The following FYB1 variants were observed in gnomAD, a reference collection of about 807,000 sequenced individuals.
FYB1 encodes FYN binding protein 1.
FYB1 carries 41 observed loss-of-function variants against 94.1 expected under a neutral mutation model. The observed-to-expected ratio is 0.44, with a 90% CI of 0.34 to 0.57. The LOEUF (loss-of-function observed/expected upper bound fraction) is 0.57. FYB1 is among the 20% of genes least tolerant of loss of function. FYB1 has a pLI of 0.02. For synonymous variants in FYB1, 367 were observed against 353.2 expected (o/e 1.04, Z -0.44); for missense variants, 1,050 against 976.8 (o/e 1.07, Z -1.00).
intron 9 of FYB1, among the ~76,000 whole-genome samples, chr5:39,133,304 C>T (rs1176619388): frequency 2.0e-5 from 3 of 152,068 alleles, no homozygotes; most frequent in Non-Finnish European, 4.4e-5. Flanking sequence ...TGGAGGTTTC[C>T]TAGTTTTATA....
At chr5:39,260,399 C>A (rs1199495696) in intron 1 of FYB1, among the ~76,000 whole-genome samples, 1 of 152,172 alleles carries the variant, frequency 6.6e-6, no homozygotes, top group Non-Finnish European at 1.5e-5. Context: ...AGAGGGCCTG[C>A]AAAGCCTAAA....
intron 1 of FYB1, among the ~76,000 whole-genome samples, chr5:39,205,978 T>A (rs1269693526): frequency 6.6e-6 from 1 of 152,258 alleles, no homozygotes; most frequent in Non-Finnish European, 1.5e-5. Flanking sequence ...ATCTGCCATC[T>A]CTGTTTTTCT....
chr5:39,166,251 A>T (rs1411611660), intron 2 of FYB1, among the ~76,000 whole-genome samples: 1 of 152,164 alleles, frequency 6.6e-6, no homozygotes, highest in Non-Finnish European at 1.5e-5. Flanking sequence ...AGCCTGACCA[A>T]CATGGTGAAA....
intron 11 of FYB1, among the ~76,000 whole-genome samples, chr5:39,126,825 A>T (rs1740712350): frequency 6.6e-6 from 1 of 151,698 alleles, no homozygotes; most frequent in African/African-American, 2.4e-5. Flanking sequence ...TTGGGAGGCT[A>T]GGGCAGGCAG....
intron 7 of FYB1, among the ~76,000 whole-genome samples, chr5:39,136,015 C>A (rs1741644616): frequency 6.6e-6 from 1 of 152,040 alleles, no homozygotes; most frequent in African/African-American, 2.4e-5. Context: ...CATGGAAAAA[C>A]CCCACATAAT....
chr5:39,108,169 C>G, intron 18 of FYB1, 62 bp downstream of exon 18: 1 of 1,406,972 alleles, frequency 7.1e-7, no homozygotes, highest in Non-Finnish European at 9.7e-7. Flanking sequence ...CTATTTTTAG[C>G]ATTTATAAAA....
At chr5:39,111,700 G>A (rs1167103051) in intron 16 of FYB1, among the ~76,000 whole-genome samples, 1 of 151,806 alleles carries the variant, frequency 6.6e-6, no homozygotes, top group African/African-American at 2.4e-5. Context: ...GGAAAATAAT[G>A]AGACATGTGC....
At chr5:39,130,683 C>CCCTGT in intron 9 of FYB1, 71 bp from the exon 10 acceptor site, 1 of 1,147,244 alleles carries the variant, frequency 8.7e-7, no homozygotes, top group South Asian at 1.3e-5. Flanking sequence ...AAGTACATAT[C>CCCTGT]CTGATTAGTT....
chr5:39,155,828 C>T (rs1743697235), intron 2 of FYB1, among the ~76,000 whole-genome samples: 1 of 152,090 alleles, frequency 6.6e-6, no homozygotes, highest in Non-Finnish European at 1.5e-5. Flanking sequence ...CACCATTTGT[C>T]TGATAAGCTA....
Position 39,137,669 on chromosome 5 carries a change from C to T in FYB1, c.1446G>A (p.Arg482=). The T allele has an allele frequency of 6.5e-7, 1 of 1,536,888 alleles. No individual in the cohort carries two copies. The highest frequency in any genetic ancestry group is 1.4e-5 in the African/African-American group (1 of 72,820). Residue 482 remains arginine (R), a synonymous_variant, in exon 7 of 19, where the codon AGG becomes AGA. Transcript: ENST00000512982. ...EKKREKEEKK[R]LELEKKEQKE... ...TCTGTTCCTTTTTCTCCAGCTCTAA[C>T]CTCTTCTTTTCTTCCTTTTCCCTTT...
At chr5:39,153,051 C>T (rs1743386342) in intron 3 of FYB1, among the ~76,000 whole-genome samples, 1 of 152,054 alleles carries the variant, frequency 6.6e-6, no homozygotes, top group Non-Finnish European at 1.5e-5. Flanking sequence ...ATGTAAAAGT[C>T]CTAGCACCTC....
At chr5:39,141,206 G>C (rs1033900669) in intron 3 of FYB1, 65 bp from the exon 4 acceptor site, 2 of 1,052,926 alleles carry the variant, frequency 1.9e-6, no homozygotes, top group African/African-American at 3.2e-5. Context: ...CAATGAAAAA[G>C]GGAAAAGGAT....
chr5:39,244,553 T>C (rs939135470), intron 1 of FYB1, among the ~76,000 whole-genome samples: 4 of 152,184 alleles, frequency 2.6e-5, no homozygotes, highest in African/African-American at 7.2e-5. Context: ...AGTATTTTAT[T>C]GAGGATTTTT....
intron 5 of FYB1, 119 bp from the exon 6 acceptor site, chr5:39,138,810 T>C (rs749122227): frequency 8.5e-6 from 6 of 706,078 alleles, no homozygotes; most frequent in Non-Finnish European, 1.3e-5. Context: ...TTGAACCACA[T>C]ATTAAATGGT....
chr5:39,109,416 G>A (rs1225056856), intron 17 of FYB1, among the ~76,000 whole-genome samples: 2 of 152,056 alleles, frequency 1.3e-5, no homozygotes, highest in Admixed American at 1.3e-4. Context: ...CACTGATGGA[G>A]ATGTTGTCCT....
At chr5:39,262,625 G>A (rs1196004358) in intron 1 of FYB1, among the ~76,000 whole-genome samples, 2 of 152,180 alleles carry the variant, frequency 1.3e-5, no homozygotes, top group Admixed American at 1.3e-4. Flanking sequence ...TACCCTCTAT[G>A]CCAAAGGATG....
chr5:39,118,548 G>A (rs1255174650), intron 16 of FYB1, among the ~76,000 whole-genome samples: 1 of 152,140 alleles, frequency 6.6e-6, no homozygotes, highest in Non-Finnish European at 1.5e-5. Context: ...AGTCAAGGGT[G>A]GGTACAGGGA....
chr5:39,207,752 T>G (rs760448192), intron 1 of FYB1, among the ~76,000 whole-genome samples: 15 of 152,096 alleles, frequency 9.9e-5, no homozygotes, highest in Non-Finnish European at 5.9e-5. Flanking sequence ...ATTATGCTAA[T>G]CTACTGGTTC....
At chr5:39,169,094 C>A in intron 2 of FYB1, 1 of 621,260 alleles carries the variant, frequency 1.6e-6, no homozygotes, top group South Asian at 1.8e-5. Context: ...AAGTTAAAAG[C>A]TTGTAGTGAT....
Sources: allele counts gnomAD v4.1 joint callset (sites outside exome capture counted in the v4.1 genomes callset), GRCh38; gene constraint gnomAD v4.1.1; transcripts MANE v1.5; gene names NCBI Gene and HGNC (gene_info 2026-07-23, HGNC 2026-07-21).